Variants in TRPS1 observed in about 807,000 individuals in gnomAD.
TRPS1 encodes transcriptional repressor GATA binding 1.
Under a neutral mutation model 101.2 loss-of-function variants are expected in TRPS1, and 6 were observed. The observed-to-expected ratio is 0.06, with a 90% confidence interval of 0.03 to 0.12. The LOEUF is 0.12. Among genes scored for constraint, TRPS1 ranks in the 10% least tolerant of loss-of-function variants. TRPS1 has a pLI of 1.00. For synonymous variants in TRPS1, 578 were observed against 589.8 expected, an observed-to-expected ratio of 0.98 and a Z score of 0.29; for missense variants, 1,363 against 1,567.0, an observed-to-expected ratio of 0.87 and a Z score of 2.20.
At chr8:115,584,292 T>G (rs948918531) in intron 5 of TRPS1, among the ~76,000 whole-genome samples, 1 of 152,026 alleles carries the variant, frequency 6.6e-6, no homozygotes, top group South Asian at 2.1e-4. Flanking sequence ...TGTATTAATA[T>G]ACTTGCTCTA....
chr8:115,607,420 A>G (rs1818064707), intron 3 of TRPS1, among the ~76,000 whole-genome samples: 1 of 150,614 alleles, frequency 6.6e-6, no homozygotes, highest in Admixed American at 6.6e-5. Context: ...ACGTGTCTAG[A>G]TGTGTTTTTT....
At chr8:115,449,291 A>T (rs1416423841) in intron 5 of TRPS1, among the ~76,000 whole-genome samples, 1 of 151,206 alleles carries the variant, frequency 6.6e-6, no homozygotes, top group Non-Finnish European at 1.5e-5. Flanking sequence ...CCAGTTCTCT[A>T]AAAAAAAAGA....
At position 115,619,828 on chromosome 8, in the gene TRPS1, G is replaced by A. The variant is rs76812525; in HGVS notation, c.270C>T (p.Ser90=). 48 of 1,614,154 alleles carry A rather than the reference G, an allele frequency of 3.0e-5. No individual in the cohort carries two copies. In the East Asian group the frequency reaches 6.5e-4, roughly 22 times the overall value. Residue 90 remains serine (S), a synonymous_variant, in exon 3 of 7, where the codon AGC becomes AGT. Coordinates refer to ENST00000395715, the MANE Select transcript of TRPS1 (RefSeq NM_014112.5). Reference sequence around the variant, plus strand: ...AGCCAGCCTTCTCACTCAGAACTGCGCTTTTCAAGTCCTTCTTACTGCTAG... The same window carrying A: ...AGCCAGCCTTCTCACTCAGAACTGCACTTTTCAAGTCCTTCTTACTGCTAG... ...PSSSSKKDLK[S]AVLSEKAGFN...
chr8:115,415,385 C>T (rs547761011), intron 6 of TRPS1, among the ~76,000 whole-genome samples: 6 of 152,030 alleles, frequency 3.9e-5, no homozygotes, highest in South Asian at 2.1e-4. Context: ...AGTGATGAAA[C>T]GGTGTAGAAA....
rs771199526 is a variant in TRPS1 at position 115,411,645 on chromosome 8, T to G, written c.*2378A>C. On this transcript the variant is annotated 3_prime_UTR_variant, in exon 7 of 7. Transcript: ENST00000395715. Reference sequence around the variant, plus strand: ...AGGAAGATAAATTACATCACATAATTTGAATGTCAAAGCTCCTCATTCCAC... The same window carrying G: ...AGGAAGATAAATTACATCACATAATGTGAATGTCAAAGCTCCTCATTCCAC... 9 of 152,510 alleles carry G rather than the reference T, an allele frequency of 5.9e-5. No individual in the cohort carries two copies. Among genetic ancestry groups the G allele is most frequent in the Non-Finnish European group, 1.3e-4 (9 of 67,988 alleles). 9.4% of individuals were successfully genotyped at this position (152,510 alleles called of 1,614,324 possible). A position where few individuals can be genotyped will look rare whatever the true frequency, so the allele number is the denominator to read the frequency against.
chr8:115,584,234 T>G (rs993075243), intron 5 of TRPS1, among the ~76,000 whole-genome samples: 2 of 152,028 alleles, frequency 1.3e-5, no homozygotes, highest in Non-Finnish European at 2.9e-5. Flanking sequence ...TGTATAGTAT[T>G]TTTAAATGAT....
chr8:115,635,666 T>C lies in TRPS1; in HGVS notation c.-121-11908A>G, dbSNP rs186268769. ...TAAAAAGGAAGAACACAAACAAGGA[T>C]AGCAAAAACTGGCCAGGTGAAAAGA... On this transcript the variant is annotated intron_variant, in intron 1 of 6. Coordinates refer to ENST00000395715, the MANE Select transcript of TRPS1 (RefSeq NM_014112.5). 1.9e-4 allele frequency among the ~76,000 whole-genome samples: 29 copies of C among 152,116 alleles called. 1 individual carries two copies. The East Asian group carries it at 4.1e-3, about 21-fold the overall frequency.
intron 5 of TRPS1, 110 bp downstream of exon 5, chr8:115,586,891 A>C: frequency 6.3e-7 from 1 of 1,581,492 alleles, no homozygotes; most frequent in Non-Finnish European, 8.6e-7. Context: ...AGATTGAGAC[A>C]GATCATTAAG....
At chr8:115,602,719 G>C (rs1225565751) in intron 4 of TRPS1, among the ~76,000 whole-genome samples, 1 of 152,164 alleles carries the variant, frequency 6.6e-6, no homozygotes, top group Non-Finnish European at 1.5e-5. Flanking sequence ...TGTAGAAATT[G>C]AATAGATTTT....
At chr8:115,510,692 T>C (rs539279720) in intron 5 of TRPS1, among the ~76,000 whole-genome samples, 10 of 152,074 alleles carry the variant, frequency 6.6e-5, no homozygotes, top group Admixed American at 2.6e-4. Flanking sequence ...AAGCACCTTC[T>C]TTTACTTTTT....
chr8:115,600,801 A>T (rs1198328355), intron 4 of TRPS1, among the ~76,000 whole-genome samples: 1 of 152,060 alleles, frequency 6.6e-6, no homozygotes, highest in Non-Finnish European at 1.5e-5. Flanking sequence ...GAAAATTTTG[A>T]TAAGAAAAGT....
At chr8:115,621,184 C>G (rs190954726) in intron 2 of TRPS1, among the ~76,000 whole-genome samples, 2 of 152,226 alleles carry the variant, frequency 1.3e-5, no homozygotes, top group East Asian at 3.9e-4. Context: ...TTAACAAAGG[C>G]TGGTCGAGGA....
At chr8:115,636,566 A>T (rs1210949430) in intron 1 of TRPS1, among the ~76,000 whole-genome samples, 1 of 152,242 alleles carries the variant, frequency 6.6e-6, no homozygotes, top group East Asian at 1.9e-4. Context: ...AGGAGGAGAC[A>T]TGATTTAGCA....
intron 5 of TRPS1, among the ~76,000 whole-genome samples, chr8:115,543,105 T>TA (rs1053902831): frequency 4.4e-4 from 66 of 148,546 alleles, no homozygotes; most frequent in Middle Eastern, 3.4e-3. Flanking sequence ...GACAGACGGG[T>TA]AAAAAAAAAA....
In TRPS1 at chr8:115,587,228, C is replaced by T; in HGVS notation, c.2473G>A (p.Gly825Arg). 1 of 1,614,188 alleles carries T rather than the reference C, an allele frequency of 6.2e-7. No homozygotes were observed. Among genetic ancestry groups the T allele is most frequent in the Non-Finnish European group, 8.5e-7 (1 of 1,180,010 alleles). ...GTGCCAGACACAGGCGTCAGCAGCCCCAGGCTTGCTTGGGTGTATGACGGA... is the reference window on the plus strand; with the variant it reads ...GTGCCAGACACAGGCGTCAGCAGCCTCAGGCTTGCTTGGGTGTATGACGGA... ...GSPSYTQASL[G>R]LLTPVSGTQE... The change falls in exon 5 of 7, where the codon GGG becomes AGG. Residue 825 changes from glycine (G) to arginine (R), a missense_variant. This residue lies in a region of TRPS1 where 1,020 missense variants were observed against 1,073.0 expected (regional missense o/e 0.95). Transcript: ENST00000395715.
At chr8:115,630,046 A>G (rs1189255942) in intron 1 of TRPS1, among the ~76,000 whole-genome samples, 4 of 151,978 alleles carry the variant, frequency 2.6e-5, no homozygotes, top group Non-Finnish European at 4.4e-5. Flanking sequence ...AGAAAGAAAT[A>G]AAGCAAAAAA....
chr8:115,428,682 C>T (rs1388020519), intron 5 of TRPS1, among the ~76,000 whole-genome samples: 1 of 152,088 alleles, frequency 6.6e-6, no homozygotes, highest in Non-Finnish European at 1.5e-5. Context: ...TCGGGAATAC[C>T]TCTGGGACCA....
intron 5 of TRPS1, among the ~76,000 whole-genome samples, chr8:115,482,372 T>C (rs1408444879): frequency 6.6e-6 from 1 of 152,196 alleles, no homozygotes; most frequent in African/African-American, 2.4e-5. Context: ...ATTTTGGCTG[T>C]ACAAAGTCTT....
intron 5 of TRPS1, among the ~76,000 whole-genome samples, chr8:115,569,074 T>G (rs1380488496): frequency 6.6e-6 from 1 of 152,166 alleles, no homozygotes; most frequent in Non-Finnish European, 1.5e-5. Flanking sequence ...CACGGTTAGA[T>G]GACTGAAGGA....
Sources: allele counts gnomAD v4.1 joint callset (sites outside exome capture counted in the v4.1 genomes callset), GRCh38; gene constraint gnomAD v4.1.1; regional missense constraint gnomAD v4.1.1; transcripts MANE v1.5; gene names NCBI Gene and HGNC (gene_info 2026-07-23, HGNC 2026-07-21).